Variants in CCDC149 observed in about 807,000 individuals in gnomAD.
CCDC149 encodes the protein coiled-coil domain containing 149.
Under a neutral mutation model 59.9 loss-of-function variants are expected in CCDC149, and 45 were observed. That is an observed-to-expected ratio of 0.75 (90% CI 0.59 to 0.96). The LOEUF (loss-of-function observed/expected upper bound fraction) is 0.96, where lower values mean the gene tolerates loss of function less well. Among genes scored for constraint, CCDC149 ranks in the 40% least tolerant of loss-of-function variants. The pLI, the probability that CCDC149 is intolerant of heterozygous loss-of-function variation, is 0.00. For synonymous variants in CCDC149, 245 were observed against 260.6 expected, an observed-to-expected ratio of 0.94 and a Z score of 0.58; for missense variants, 584 against 664.7, an observed-to-expected ratio of 0.88 and a Z score of 1.33.
chr4:24,972,119 A>G (rs919443964), intron 1 of CCDC149, among the ~76,000 whole-genome samples: 4 of 152,122 alleles, frequency 2.6e-5, no homozygotes, highest in African/African-American at 9.7e-5. Flanking sequence ...CTCAGAATCT[A>G]TGGAGGACTG....
chr4:24,882,551 C>A (rs942356031), intron 1 of CCDC149, among the ~76,000 whole-genome samples: 2 of 152,252 alleles, frequency 1.3e-5, no homozygotes, highest in African/African-American at 4.8e-5. Context: ...TATCTGGAAT[C>A]CTGAAGGTTC....
intron 1 of CCDC149, among the ~76,000 whole-genome samples, chr4:24,967,217 C>T (rs1176261599): frequency 1.4e-4 from 21 of 152,268 alleles, no homozygotes; most frequent in African/African-American, 5.1e-4. Flanking sequence ...GCATCACCAG[C>T]CTCAGGTCCT....
chr4:24,953,498 T>A (rs550907247), intron 1 of CCDC149, among the ~76,000 whole-genome samples: 9 of 152,330 alleles, frequency 5.9e-5, no homozygotes, highest in African/African-American at 2.2e-4. Flanking sequence ...AAAAGGCACA[T>A]GCTCAGAAAA....
chr4:24,923,893 C>G (rs1293011971), intron 1 of CCDC149, among the ~76,000 whole-genome samples: 1 of 152,202 alleles, frequency 6.6e-6, no homozygotes, highest in Non-Finnish European at 1.5e-5. Flanking sequence ...CCCTGCTACC[C>G]AAGGCCACTC....
intron 3 of CCDC149, among the ~76,000 whole-genome samples, chr4:24,867,787 G>C (rs976292137): frequency 6.6e-6 from 1 of 152,180 alleles, no homozygotes; most frequent in Admixed American, 6.5e-5. Context: ...ATCCAACAAG[G>C]GGCGATCATT....
At chr4:24,965,668 T>C (rs1723774616) in intron 1 of CCDC149, among the ~76,000 whole-genome samples, 1 of 152,228 alleles carries the variant, frequency 6.6e-6, no homozygotes, top group African/African-American at 2.4e-5. Flanking sequence ...ACTAAACACG[T>C]ACTTTAGACA....
upstream of CCDC149, among the ~76,000 whole-genome samples, chr4:24,915,048 TG>T (rs1722085623): frequency 1.3e-5 from 2 of 152,042 alleles, no homozygotes; most frequent in Admixed American, 1.3e-4. Context: ...GAAAAAAAGG[TG>T]GGGCTAGAAT....
intron 2 of CCDC149, among the ~76,000 whole-genome samples, 192 bp downstream of exon 2, chr4:24,876,330 CACACACACACAGAG>C (rs1448989203): frequency 2.1e-5 from 3 of 139,900 alleles, no homozygotes; most frequent in Admixed American, 7.7e-5. Flanking sequence ...CACACACACA[CACACACACACAGAG>C]AGAGAGAGAG....
At chr4:24,805,766 A>AACAC (rs914825310), downstream of CCDC149, among the ~76,000 whole-genome samples, 2 of 151,936 alleles carry the variant, frequency 1.3e-5, no homozygotes, top group Non-Finnish European at 2.9e-5. Context: ...TCGCTCTTGA[A>AACAC]ACACACACAC....
chr4:24,869,260 C>T (rs1382351761), intron 3 of CCDC149, among the ~76,000 whole-genome samples: 8 of 152,164 alleles, frequency 5.3e-5, no homozygotes, highest in Non-Finnish European at 1.2e-4. Flanking sequence ...CTTCTTCCAG[C>T]GGCCAAAGGT....
At chr4:24,937,886 A>C (rs1012067896) in intron 1 of CCDC149, among the ~76,000 whole-genome samples, 3 of 149,928 alleles carry the variant, frequency 2.0e-5, no homozygotes, top group African/African-American at 7.5e-5. Context: ...GTCTTCTGAC[A>C]CCAAATTCAC....
At chr4:24,907,972 T>C (rs1182119030) in intron 1 of CCDC149, among the ~76,000 whole-genome samples, 2 of 152,198 alleles carry the variant, frequency 1.3e-5, no homozygotes, top group African/African-American at 4.8e-5. Context: ...GTCTGTGTCT[T>C]CACATTGTCT....
Position 24,861,636 on chromosome 4 carries a change from T to TAAA in CCDC149, c.265-8460_265-8458dup, listed in dbSNP as rs59229079. On this transcript the variant is annotated intron_variant, in intron 3 of 12. Transcript: ENST00000635206. Reference sequence around the variant, plus strand: ...CTTGTTCCCCCTAAACTACTGAAATTAAAAAAAAAATGTAACCCCCTTGTA... The same window carrying TAAA: ...CTTGTTCCCCCTAAACTACTGAAATTAAAAAAAAAAAAATGTAACCCCCTTGTA... Among the ~76,000 whole-genome samples, 122 of 150,322 alleles carry TAAA rather than the reference T, an allele frequency of 8.1e-4. 1 individual carries two copies. The highest frequency in any genetic ancestry group is 2.7e-3 in the African/African-American group (111 of 41,124).
At chr4:24,824,389 A>C (rs1049575282) in intron 9 of CCDC149, among the ~76,000 whole-genome samples, 11 of 152,212 alleles carry the variant, frequency 7.2e-5, no homozygotes, top group Admixed American at 6.5e-5. Context: ...TAACAATAGT[A>C]CCACCAACAA....
intron 3 of CCDC149, among the ~76,000 whole-genome samples, chr4:24,869,402 C>A (rs1718893488): frequency 6.6e-6 from 1 of 152,164 alleles, no homozygotes; most frequent in Non-Finnish European, 1.5e-5. Context: ...TCCTGGGGCC[C>A]AGCTGCACTT....
At chr4:24,853,803 GC>G (rs982882611) in intron 3 of CCDC149, among the ~76,000 whole-genome samples, 5 of 152,152 alleles carry the variant, frequency 3.3e-5, no homozygotes, top group African/African-American at 1.2e-4. Flanking sequence ...ATTCTAGGGG[GC>G]GGCCAGAGAA....
chr4:24,929,074 A>C (rs1334528626), intron 1 of CCDC149, among the ~76,000 whole-genome samples: 1 of 152,168 alleles, frequency 6.6e-6, no homozygotes, highest in African/African-American at 2.4e-5. Context: ...ATGAAAGGCC[A>C]AGGTATGGAA....
chr4:24,852,814 T>A (rs1298169699), intron 4 of CCDC149, among the ~76,000 whole-genome samples: 1 of 152,104 alleles, frequency 6.6e-6, no homozygotes, highest in Admixed American at 6.5e-5. Flanking sequence ...CACCACTAAG[T>A]TGAACATAAT....
chr4:24,885,242 A>G (rs13102726), intron 1 of CCDC149, among the ~76,000 whole-genome samples: 63,861 of 151,920 alleles, frequency 0.42, 14,582 homozygotes, highest in Non-Finnish European at 0.52. Context: ...GGGGAGTGTC[A>G]TTAAGAATCA....
Sources: allele counts gnomAD v4.1 joint callset (sites outside exome capture counted in the v4.1 genomes callset), GRCh38; gene constraint gnomAD v4.1.1; transcripts MANE v1.5; gene names NCBI Gene and HGNC (gene_info 2026-07-23, HGNC 2026-07-21).